The following SUMF1 variants were observed in gnomAD, a reference collection of about 807,000 sequenced individuals.
The protein encoded by SUMF1 is formylglycine-generating enzyme.
SUMF1 carries 48 observed loss-of-function variants against 47.6 expected under a neutral mutation model. The ratio of observed to expected loss-of-function variants is 1.01; its 90% CI spans 0.80 to 1.28. The LOEUF is 1.28. Among genes scored for constraint, SUMF1 ranks in the 50% most tolerant of loss-of-function variants. The probability of loss-of-function intolerance (pLI) is 0.00; values close to 1 mark genes in which losing one functional copy is unlikely to be tolerated. For missense variants in SUMF1, 571 were observed against 485.4 expected, an observed-to-expected ratio of 1.18 and a Z score of -1.66; for synonymous variants, 230 against 192.1, an observed-to-expected ratio of 1.20 and a Z score of -1.63.
At chr3:4,275,395 T>C (rs948091399) in intron 8 of SUMF1, among the ~76,000 whole-genome samples, 6 of 152,104 alleles carry the variant, frequency 3.9e-5, no homozygotes, top group Admixed American at 2.6e-4. Context: ...GGCAGTAAAA[T>C]GGACTACTTC....
intron 8 of SUMF1, among the ~76,000 whole-genome samples, chr3:4,129,912 A>T (rs1040327678): frequency 6.6e-6 from 1 of 152,150 alleles, no homozygotes; most frequent in South Asian, 2.1e-4. Context: ...TGGCACAAAC[A>T]TACTTAGCAG....
At chr3:4,285,703 C>T (rs527809224) in intron 8 of SUMF1, among the ~76,000 whole-genome samples, 1 of 152,050 alleles carries the variant, frequency 6.6e-6, no homozygotes, top group Admixed American at 6.5e-5. Context: ...TCATACAGTA[C>T]CTCATAATGC....
intron 7 of SUMF1, among the ~76,000 whole-genome samples, chr3:4,399,956 A>C (rs149601205): frequency 6.6e-6 from 1 of 152,092 alleles, no homozygotes; most frequent in East Asian, 1.9e-4. Flanking sequence ...ATGGAGTTTC[A>C]CCATGTTAGC....
At chr3:4,037,333 G>C (rs317585) in intron 9 of SUMF1, among the ~76,000 whole-genome samples, 149,709 of 152,314 alleles carry the variant, frequency 0.98, 73,625 homozygotes, top group Middle Eastern at 1. Context: ...TAAGTTCTAA[G>C]TGGTCTCCTT....
intron 8 of SUMF1, among the ~76,000 whole-genome samples, chr3:4,309,946 C>G (rs764967549): frequency 6.6e-6 from 1 of 152,174 alleles, no homozygotes; most frequent in Non-Finnish European, 1.5e-5. Context: ...GTGCACAGTA[C>G]TTACAGAAAC....
intron 8 of SUMF1, among the ~76,000 whole-genome samples, chr3:4,275,002 G>A (rs1697383402): frequency 6.6e-6 from 1 of 152,142 alleles, no homozygotes; most frequent in Admixed American, 6.5e-5. Context: ...CATCTCCAGA[G>A]CAAGCATTAC....
intron 8 of SUMF1, among the ~76,000 whole-genome samples, chr3:4,150,132 T>C (rs1282859316): frequency 2.7e-5 from 4 of 146,116 alleles, no homozygotes; most frequent in Non-Finnish European, 6.1e-5. Flanking sequence ...AAGGTCTGTG[T>C]CTCCCAGGCT....
At chr3:4,147,716 A>T (rs922459407) in intron 8 of SUMF1, among the ~76,000 whole-genome samples, 4 of 152,168 alleles carry the variant, frequency 2.6e-5, no homozygotes, top group Admixed American at 6.5e-5. Context: ...TCCTTATAAC[A>T]GTCATGATAC....
intron 7 of SUMF1, among the ~76,000 whole-genome samples, chr3:4,380,206 T>C (rs145750688): frequency 0.032 from 4,879 of 152,244 alleles, 116 homozygotes; most frequent in Non-Finnish European, 0.048. Flanking sequence ...AAAGAAAACG[T>C]GGTACATATA....
chr3:4,205,207 G>C (rs1695625213), intron 8 of SUMF1, among the ~76,000 whole-genome samples: 1 of 152,092 alleles, frequency 6.6e-6, no homozygotes, highest in South Asian at 2.1e-4. Context: ...CCCTTAAGAA[G>C]GTTCTTTGTA....
At chr3:4,279,271 C>CA (rs1464274308) in intron 8 of SUMF1, among the ~76,000 whole-genome samples, 1 of 152,060 alleles carries the variant, frequency 6.6e-6, no homozygotes, top group Non-Finnish European at 1.5e-5. Flanking sequence ...TGAAGAAAAT[C>CA]ATGTAAATAC....
chr3:4,375,901 G>C (rs985528405), intron 8 of SUMF1, among the ~76,000 whole-genome samples: 1 of 152,100 alleles, frequency 6.6e-6, no homozygotes, highest in Non-Finnish European at 1.5e-5. Flanking sequence ...TAGAACACGG[G>C]ATGCTTCCAT....
At chr3:4,205,785 C>A (rs1695638398) in intron 8 of SUMF1, among the ~76,000 whole-genome samples, 1 of 152,120 alleles carries the variant, frequency 6.6e-6, no homozygotes, top group Non-Finnish European at 1.5e-5. Flanking sequence ...CACAGAGTCT[C>A]TCTCTTCACG....
chr3:4,184,046 A>T (rs1461128641), intron 8 of SUMF1, among the ~76,000 whole-genome samples: 1 of 152,014 alleles, frequency 6.6e-6, no homozygotes, highest in Non-Finnish European at 1.5e-5. Flanking sequence ...GAAGTATGAG[A>T]ATCTCTTGAA....
At chr3:4,205,907 A>G (rs1038518091) in intron 8 of SUMF1, among the ~76,000 whole-genome samples, 8 of 151,996 alleles carry the variant, frequency 5.3e-5, no homozygotes, top group South Asian at 2.1e-4. Flanking sequence ...TCTGCCCAAG[A>G]CCCATGTTAA....
chr3:4,417,903 G>A, intron 5 of SUMF1, 107 bp downstream of exon 5: 1 of 1,565,268 alleles, frequency 6.4e-7, no homozygotes, highest in Non-Finnish European at 8.8e-7. Flanking sequence ...AAGAATTATT[G>A]TCGTTATTAA....
chr3:4,176,475 G>A (rs1336180109), intron 8 of SUMF1, among the ~76,000 whole-genome samples: 1 of 152,098 alleles, frequency 6.6e-6, no homozygotes, highest in Admixed American at 6.5e-5. Context: ...ATCCTTTACA[G>A]AAAAGCAAAT....
intron 8 of SUMF1, among the ~76,000 whole-genome samples, chr3:4,160,462 A>AATCCTGAC (rs1277081327): frequency 6.6e-6 from 1 of 151,480 alleles, no homozygotes; most frequent in East Asian, 1.9e-4. Context: ...CTGATCTCGA[A>AATCCTGAC]CTCCTGACCT....
intron 8 of SUMF1, among the ~76,000 whole-genome samples, chr3:4,255,182 G>A (rs1021227205): frequency 9.8e-5 from 14 of 142,764 alleles, no homozygotes; most frequent in East Asian, 7.9e-4. Flanking sequence ...AAAGACCATC[G>A]AGACTAGGAA....
Sources: allele counts gnomAD v4.1 joint callset (sites outside exome capture counted in the v4.1 genomes callset), GRCh38; gene constraint gnomAD v4.1.1; transcripts MANE v1.5; gene names NCBI Gene and HGNC (gene_info 2026-07-23, HGNC 2026-07-21).